Variants in ERC2 observed in about 807,000 individuals in gnomAD.
ERC2 encodes the protein ERC protein 2.
Under a neutral mutation model 114.8 loss-of-function variants are expected in ERC2, and 42 were observed. That is an observed-to-expected ratio of 0.37 (90% confidence interval 0.29 to 0.47). The LOEUF is 0.47. Among genes scored for constraint, ERC2 ranks in the 20% least tolerant of loss-of-function variants. The pLI is 0.99. For synonymous variants in ERC2, 454 were observed against 425.5 expected (o/e 1.07, Z -0.82); for missense variants, 939 against 1,150.7 (o/e 0.82, Z 2.66).
intron 14 of ERC2, among the ~76,000 whole-genome samples, chr3:55,822,814 C>T (rs1159978947): frequency 2.6e-5 from 4 of 152,064 alleles, no homozygotes; most frequent in South Asian, 2.1e-4. Context: ...GGGGTTTCAC[C>T]GCGTTAGCCA....
chr3:55,805,628 G>A (rs1238162284), intron 14 of ERC2, among the ~76,000 whole-genome samples: 1 of 151,378 alleles, frequency 6.6e-6, no homozygotes, highest in African/African-American at 2.4e-5. Flanking sequence ...CACAGGTAGG[G>A]AGGGGTGCTA....
In ERC2 at chr3:55,817,786, G is replaced by A. The variant is rs541060431; in HGVS notation, c.2564+70603C>T. 3.9e-5 allele frequency among the ~76,000 whole-genome samples: 6 copies of A among 152,238 alleles called. No individual in the cohort carries two copies. In the South Asian group the frequency reaches 1.0e-3, roughly 26 times the overall value. Reference sequence around the variant, plus strand: ...CATGGTGAGGATCAAATGAAATAACGCACGTAAAGAGCTCTGAACAATATC... The same window carrying A: ...CATGGTGAGGATCAAATGAAATAACACACGTAAAGAGCTCTGAACAATATC... On this transcript the variant is annotated intron_variant, in intron 14 of 17. Coordinates refer to ENST00000288221, the MANE Select transcript of ERC2 (RefSeq NM_015576.3).
chr3:56,178,712 C>T (rs1575703253), intron 3 of ERC2, among the ~76,000 whole-genome samples: 2 of 151,978 alleles, frequency 1.3e-5, no homozygotes, highest in African/African-American at 4.8e-5. Flanking sequence ...CAGCAGTGAA[C>T]CAAACAGACC....
intron 17 of ERC2, among the ~76,000 whole-genome samples, chr3:55,530,952 A>G (rs2053627560): frequency 6.6e-6 from 1 of 152,228 alleles, no homozygotes; most frequent in South Asian, 2.1e-4. Context: ...TCGGGAGGTC[A>G]TCGCACAGGG....
intron 17 of ERC2, among the ~76,000 whole-genome samples, chr3:55,642,936 G>A (rs1273819553): frequency 6.6e-6 from 1 of 152,102 alleles, no homozygotes. Context: ...TGCCTAAAGA[G>A]GAAATCATTA....
At chr3:55,879,417 T>C (rs771747125) in intron 14 of ERC2, among the ~76,000 whole-genome samples, 1 of 152,188 alleles carries the variant, frequency 6.6e-6, no homozygotes, top group Non-Finnish European at 1.5e-5. Context: ...AGTTTTCTTC[T>C]TACAGTCACT....
intron 7 of ERC2, among the ~76,000 whole-genome samples, chr3:56,062,085 C>T (rs964259151): frequency 6.6e-6 from 1 of 151,970 alleles, no homozygotes; most frequent in Admixed American, 6.6e-5. Context: ...AAATAGATAA[C>T]TATTTTATAT....
intron 3 of ERC2, among the ~76,000 whole-genome samples, chr3:56,250,906 C>A (rs889995135): frequency 1.3e-5 from 2 of 152,132 alleles, no homozygotes; most frequent in Non-Finnish European, 2.9e-5. Context: ...AACTGATGAA[C>A]CCGCAAACCA....
chr3:55,713,770 T>C (rs912453645), intron 15 of ERC2, among the ~76,000 whole-genome samples: 6 of 152,338 alleles, frequency 3.9e-5, no homozygotes, highest in Admixed American at 1.3e-4. Flanking sequence ...CTAATCAACC[T>C]GCCTATTATA....
At chr3:56,167,508 A>G (rs1426655777) in intron 4 of ERC2, among the ~76,000 whole-genome samples, 2 of 152,166 alleles carry the variant, frequency 1.3e-5, no homozygotes, top group Non-Finnish European at 2.9e-5. Flanking sequence ...CTAAGTGACA[A>G]CCATATATCA....
At chr3:55,541,746 G>T (rs1318239296) in intron 17 of ERC2, among the ~76,000 whole-genome samples, 1 of 152,176 alleles carries the variant, frequency 6.6e-6, no homozygotes, top group Non-Finnish European at 1.5e-5. Context: ...GGATTGTCTA[G>T]AAAGCCAGGC....
chr3:56,168,275 T>C (rs187544823), intron 4 of ERC2, among the ~76,000 whole-genome samples: 1 of 152,354 alleles, frequency 6.6e-6, no homozygotes, highest in Non-Finnish European at 1.5e-5. Flanking sequence ...GGTAGTGATG[T>C]TGCTGTCATT....
intron 2 of ERC2, among the ~76,000 whole-genome samples, chr3:56,321,575 G>T (rs960307776): frequency 6.6e-6 from 1 of 152,210 alleles, no homozygotes; most frequent in South Asian, 2.1e-4. Context: ...GTAGAGCAAA[G>T]AAAATATTTG....
chr3:56,380,517 C>T (rs1331216084), intron 2 of ERC2, among the ~76,000 whole-genome samples: 1 of 151,892 alleles, frequency 6.6e-6, no homozygotes, highest in Non-Finnish European at 1.5e-5. Flanking sequence ...TGTCTCTTCG[C>T]TCTATTTGGA....
At chr3:56,377,003 C>T (rs2059571115) in intron 2 of ERC2, among the ~76,000 whole-genome samples, 1 of 152,142 alleles carries the variant, frequency 6.6e-6, no homozygotes. Flanking sequence ...TCCTTCAGTG[C>T]TCCCACAGTA....
In ERC2 at chr3:55,641,345, T is replaced by C. The variant is rs2060173995; in HGVS notation, c.*39+42449A>G. ...CAGGCAGACCTCCTGAGGTAAGGAG[T>C]TCGAGACCAGCCATGCCAATGTGGC... is the stretch of plus-strand genomic sequence containing the variant. On this transcript the variant is annotated intron_variant, in intron 17 of 17. Coordinates refer to ENST00000288221, the MANE Select transcript of ERC2 (RefSeq NM_015576.3). Among the ~76,000 whole-genome samples, 3 of 151,426 alleles carry C rather than the reference T, an allele frequency of 2.0e-5. 1 individual carries two copies. Among genetic ancestry groups the C allele is most frequent in the Admixed American group, 2.0e-4 (3 of 15,200 alleles).
At chr3:56,409,402 CTG>C (rs2060853134) in intron 2 of ERC2, among the ~76,000 whole-genome samples, 1 of 151,362 alleles carries the variant, frequency 6.6e-6, no homozygotes, top group African/African-American at 2.4e-5. Flanking sequence ...AAAATCATGA[CTG>C]TGTGGGGAAA....
chr3:55,543,704 T>A (rs1420923886), intron 17 of ERC2, among the ~76,000 whole-genome samples: 1 of 152,140 alleles, frequency 6.6e-6, no homozygotes, highest in South Asian at 2.1e-4. Flanking sequence ...GTCCATAGGA[T>A]CTGGAGGAGG....
rs73083379 is a variant in ERC2, at chr3:55,937,523, C to T, written c.2403+12902G>A. Among the ~76,000 whole-genome samples the T allele has an allele frequency of 8.6e-3, 1,307 of 152,262 alleles. 6 individuals carry two copies. The highest frequency in any genetic ancestry group is 0.014 in the Non-Finnish European group (962 of 68,012). On this transcript the variant is annotated intron_variant, in intron 13 of 17. Transcript: ENST00000288221. ...GGGTTCCTAAGGTACTGGGGTCAAA[C>T]CTCTCAGAGGGGAAGATAAGGTGCA... is the stretch of plus-strand genomic sequence containing the variant.
Sources: gnomAD v4.1 joint callset for allele counts (sites outside exome capture counted in the v4.1 genomes callset) on GRCh38, gnomAD v4.1.1 for gene constraint, MANE v1.5 for transcripts, NCBI Gene and HGNC (gene_info 2026-07-23, HGNC 2026-07-21) for gene names.